The following KDM4C variants were observed in gnomAD, a reference collection of about 807,000 sequenced individuals.
KDM4C encodes lysine-specific demethylase 4C.
Under a neutral mutation model 129.3 loss-of-function variants are expected in KDM4C, and 81 were observed. That is an observed-to-expected ratio of 0.63 (90% CI 0.52 to 0.75). KDM4C has a LOEUF of 0.75. KDM4C is among the 30% of genes least tolerant of loss of function. The probability of loss-of-function intolerance (pLI) is 0.00; values close to 1 mark genes in which losing one functional copy is unlikely to be tolerated. For missense variants in KDM4C, 1,457 were observed against 1,304.0 expected (o/e 1.12, Z -1.81); for synonymous variants, 573 against 456.1 (o/e 1.26, Z -3.26).
intron 15 of KDM4C, among the ~76,000 whole-genome samples, chr9:7,043,944 T>A (rs1476988043): frequency 2.0e-5 from 3 of 152,062 alleles, no homozygotes; most frequent in Non-Finnish European, 4.4e-5. Context: ...TGTTTTGCCA[T>A]GTTTTGTTAT....
chr9:6,961,542 A>G (rs1284297089), intron 8 of KDM4C, among the ~76,000 whole-genome samples: 2 of 152,202 alleles, frequency 1.3e-5, no homozygotes, highest in African/African-American at 2.4e-5. Flanking sequence ...CAGACAGAAT[A>G]TAGTATTTAT....
chr9:6,963,035 A>T (rs1340517), intron 8 of KDM4C, among the ~76,000 whole-genome samples: 39,074 of 152,050 alleles, frequency 0.26, 5,591 homozygotes, highest in South Asian at 0.43. Flanking sequence ...CTTGGGTTTG[A>T]ATCTTGTGTC....
intron 17 of KDM4C, among the ~76,000 whole-genome samples, chr9:7,062,849 A>AT (rs1831901838): frequency 6.6e-6 from 1 of 152,264 alleles, no homozygotes; most frequent in African/African-American, 2.4e-5. Context: ...ACACAATGCT[A>AT]TTGACTTCTT....
At chr9:6,938,421 T>G (rs1022339923) in intron 8 of KDM4C, among the ~76,000 whole-genome samples, 3 of 152,164 alleles carry the variant, frequency 2.0e-5, no homozygotes, top group Non-Finnish European at 4.4e-5. Context: ...GAAGCTAATA[T>G]TTTGCTCCTA....
intron 3 of KDM4C, among the ~76,000 whole-genome samples, chr9:6,806,176 T>G (rs1829925791): frequency 6.6e-6 from 1 of 152,158 alleles, no homozygotes; most frequent in Non-Finnish European, 1.5e-5. Context: ...ACCATTGCAT[T>G]AGTTATTTAT....
chr9:6,938,971 C>G (rs1248473738), intron 8 of KDM4C, among the ~76,000 whole-genome samples: 1 of 152,034 alleles, frequency 6.6e-6, no homozygotes, highest in Non-Finnish European at 1.5e-5. Context: ...TCTGTAGTTT[C>G]TAACATTATT....
chr9:6,990,703 CG>C (rs1818591350), intron 12 of KDM4C, among the ~76,000 whole-genome samples, 179 bp downstream of exon 12: 1 of 152,090 alleles, frequency 6.6e-6, no homozygotes, highest in African/African-American at 2.4e-5. Flanking sequence ...GAGGTAAAGA[CG>C]TACTTCATAT....
intron 8 of KDM4C, among the ~76,000 whole-genome samples, chr9:6,924,456 G>C (rs1399463634): frequency 1.3e-5 from 2 of 152,202 alleles, no homozygotes; most frequent in African/African-American, 4.8e-5. Context: ...GCAGCGCTCT[G>C]TTGGACTTGC....
intron 4 of KDM4C, among the ~76,000 whole-genome samples, chr9:6,823,624 C>T (rs1387141138): frequency 2.6e-5 from 4 of 152,212 alleles, no homozygotes; most frequent in African/African-American, 9.7e-5. Context: ...GCTGCTGCCT[C>T]CAGATCTCCA....
chr9:6,745,703 A>G lies in KDM4C; in HGVS notation c.49+24706A>G, dbSNP rs527317297. 8.6e-5 allele frequency among the ~76,000 whole-genome samples: 13 copies of G among 151,734 alleles called. No individual in the cohort carries two copies. In the East Asian group the frequency reaches 2.5e-3, roughly 30 times the overall value. On this transcript the variant is annotated intron_variant, in intron 1 of 17. Coordinates refer to the KDM4C transcript ENST00000536108. ...GCCCTGGCTGGGGTGCAGTGGCGTGATCTTGGCTCACTGCAACCTTTGCCT... is the reference window on the plus strand; with the variant it reads ...GCCCTGGCTGGGGTGCAGTGGCGTGGTCTTGGCTCACTGCAACCTTTGCCT...
intron 17 of KDM4C, among the ~76,000 whole-genome samples, chr9:7,072,052 A>G (rs1564079581): frequency 6.6e-6 from 1 of 152,202 alleles, no homozygotes; most frequent in Non-Finnish European, 1.5e-5. Flanking sequence ...GTACATGACA[A>G]AATGCTTAAT....
rs1036109328 is a variant in KDM4C, at chr9:6,842,171, C to G, written c.436-7336C>G. ...TTTTAAAGCAGTAAGCTCACAACCA[C>G]TAACTTCATATTTATAGCCTGTCTC... On this transcript the variant is annotated intron_variant, in intron 4 of 21. Coordinates refer to ENST00000381309, the MANE Select transcript of KDM4C (RefSeq NM_015061.6). Among the ~76,000 whole-genome samples, 5 of 152,208 alleles carry G rather than the reference C, an allele frequency of 3.3e-5. No homozygotes were observed. The East Asian group carries it at 9.6e-4, about 29-fold the overall frequency.
Position 6,758,270 on chromosome 9 carries a change from G to A in KDM4C, c.-18+67G>A. The A allele has an allele frequency of 1.1e-6, 1 of 914,852 alleles. No individual in the cohort carries two copies. Among genetic ancestry groups the A allele is most frequent in the African/African-American group, 1.8e-5 (1 of 55,818 alleles). 56.7% of individuals were successfully genotyped at this position (914,852 alleles called of 1,614,324 possible). On this transcript the variant is annotated intron_variant, in intron 1 of 21. Transcript: ENST00000381309. This position sits in a 1 kb window ranked among gnomAD's most constrained non-coding sequence, Gnocchi z 4.6. ...GGTCCGGAGAGGTCTTCCCGGCACT[G>A]CCCCCCTCCGCGTGGGGCACGGGGG...
At chr9:7,070,353 A>T (rs1389423171) in intron 17 of KDM4C, among the ~76,000 whole-genome samples, 1 of 152,194 alleles carries the variant, frequency 6.6e-6, no homozygotes, top group Non-Finnish European at 1.5e-5. Flanking sequence ...CACTTTTAAA[A>T]AATTAGAAGT....
chr9:6,746,835 T>C lies in KDM4C; in HGVS notation c.49+25838T>C, dbSNP rs188510058. Among the ~76,000 whole-genome samples the C allele has an allele frequency of 4.2e-4, 62 of 146,570 alleles. No homozygotes were observed. The East Asian group carries it at 0.012, about 30-fold the overall frequency. On this transcript the variant is annotated intron_variant, in intron 1 of 17. Coordinates refer to the KDM4C transcript ENST00000536108. Reference sequence around the variant, plus strand: ...CATCCTGGCTAACACGGTGAAACCGTCTCTACTAAAAATACAAAAAATTAG... The same window carrying C: ...CATCCTGGCTAACACGGTGAAACCGCCTCTACTAAAAATACAAAAAATTAG...
intron 17 of KDM4C, among the ~76,000 whole-genome samples, chr9:7,100,705 C>A (rs948022777): frequency 2.6e-5 from 4 of 152,116 alleles, no homozygotes; most frequent in Non-Finnish European, 2.9e-5. Context: ...ATAATTACCT[C>A]ATGTTGACCC....
At chr9:6,770,346 T>G (rs920437747) in intron 1 of KDM4C, among the ~76,000 whole-genome samples, 1 of 152,186 alleles carries the variant, frequency 6.6e-6, no homozygotes, top group Non-Finnish European at 1.5e-5. Context: ...TTTGAGACTT[T>G]GGGGAAATTA....
intron 8 of KDM4C, among the ~76,000 whole-genome samples, chr9:6,932,264 G>C (rs1267428864): frequency 6.6e-6 from 1 of 152,140 alleles, no homozygotes; most frequent in Non-Finnish European, 1.5e-5. Context: ...GCAGAGGGAG[G>C]ACTGTGTGTA....
At chr9:6,862,615 C>T (rs1841141402) in intron 5 of KDM4C, among the ~76,000 whole-genome samples, 1 of 152,040 alleles carries the variant, frequency 6.6e-6, no homozygotes, top group Non-Finnish European at 1.5e-5. Flanking sequence ...CCAGCCTGGC[C>T]AACATGGTGA....
Sources: allele counts gnomAD v4.1 joint callset (sites outside exome capture counted in the v4.1 genomes callset), GRCh38; gene constraint gnomAD v4.1.1; non-coding constraint Gnocchi (gnomAD v3.1); transcripts MANE v1.5; gene names NCBI Gene and HGNC (gene_info 2026-07-23, HGNC 2026-07-21).